TPST2: variants seen among roughly 807,000 people sequenced by gnomAD.
The protein encoded by TPST2 is protein-tyrosine sulfotransferase 2.
In TPST2, 16 loss-of-function variants were observed where a neutral mutation model predicts 27.8. That is an observed-to-expected ratio of 0.58 (90% confidence interval 0.39 to 0.88). TPST2 has a LOEUF of 0.88. Ranked by LOEUF, TPST2 falls within the 40% of genes least tolerant of loss-of-function variation. TPST2 has a pLI of 0.00. For synonymous variants in TPST2, 229 were observed against 231.7 expected, an observed-to-expected ratio of 0.99 and a Z score of 0.10; for missense variants, 464 against 543.1, an observed-to-expected ratio of 0.85 and a Z score of 1.45.
chr22:26,585,504 G>C (rs539671063), intron 1 of TPST2, among the ~76,000 whole-genome samples: 1 of 152,160 alleles, frequency 6.6e-6, no homozygotes, highest in African/African-American at 2.4e-5. Context: ...CAGATCTCTG[G>C]AGGGGCCCCA....
At chr22:26,578,046 A>G (rs1403153879) in intron 1 of TPST2, among the ~76,000 whole-genome samples, 2 of 152,166 alleles carry the variant, frequency 1.3e-5, no homozygotes, top group African/African-American at 4.8e-5. Flanking sequence ...GTAAACATCA[A>G]AATGTATTAT....
At position 26,532,581 on chromosome 22, in the gene TPST2, T is replaced by C. The variant is rs760030310; in HGVS notation, c.1092+114A>G. On this transcript the variant is annotated intron_variant, in intron 5 of 6. Coordinates refer to ENST00000338754, the MANE Select transcript of TPST2 (RefSeq NM_003595.5). ...GGCAGCCAGCTCACATCCCCCTTTT[T>C]ATAATGGGAAAACCATCAACCAGAG... is the stretch of plus-strand genomic sequence containing the variant. 5.8e-5 allele frequency: 70 copies of C among 1,209,712 alleles called. No homozygotes were observed. In the East Asian group the frequency reaches 5.8e-4, roughly 10 times the overall value. 74.9% of individuals were successfully genotyped at this position (1,209,712 alleles called of 1,614,324 possible). A position where few individuals can be genotyped will look rare whatever the true frequency, so the allele number is the denominator to read the frequency against.
intron 1 of TPST2, chr22:26,560,987 A>T: frequency 1.2e-6 from 2 of 1,609,798 alleles, no homozygotes; most frequent in African/African-American, 2.7e-5. Flanking sequence ...TGAAGGAAAA[A>T]TACGAAAAGG....
chr22:26,588,041 T>C (rs921074801), intron 1 of TPST2, among the ~76,000 whole-genome samples: 46 of 152,136 alleles, frequency 3.0e-4, no homozygotes, highest in African/African-American at 1.1e-3. Flanking sequence ...GAACTGAAAA[T>C]GTATGTCCAA....
intron 4 of TPST2, among the ~76,000 whole-genome samples, chr22:26,533,112 G>A (rs771205222): frequency 2.1e-4 from 32 of 152,290 alleles, no homozygotes; most frequent in Non-Finnish European, 2.5e-4. Flanking sequence ...TTTTGAGTGG[G>A]TGGTCAAGAG....
At position 26,526,139 on chromosome 22, in the gene TPST2, T is replaced by C. The variant is rs1158597990; in HGVS notation, c.*136A>G. 3.3e-5 allele frequency: 5 copies of C among 152,258 alleles called. No homozygotes were observed. The East Asian group carries it at 7.7e-4, about 23-fold the overall frequency. 9.4% of individuals were successfully genotyped at this position (152,258 alleles called of 1,614,324 possible). A position where few individuals can be genotyped will look rare whatever the true frequency, so the allele number is the denominator to read the frequency against. ...CAATGATTCAGCTTTTGCAAACATA[T>C]GCAAATACATTCCTCATCAGCAGTC... On this transcript the variant is annotated 3_prime_UTR_variant, in exon 7 of 7. Transcript: ENST00000338754.
At chr22:26,575,110 C>A (rs1927778940) in intron 1 of TPST2, among the ~76,000 whole-genome samples, 1 of 152,080 alleles carries the variant, frequency 6.6e-6, no homozygotes, top group Non-Finnish European at 1.5e-5. Context: ...TCCCGCCCCT[C>A]CACTTCCCCA....
rs2147167534 is a variant in TPST2 at position 26,526,200 on chromosome 22, A to G, written c.*75T>C. 6.6e-6 allele frequency: 1 copy of G among 152,348 alleles called. No homozygotes were observed. Among genetic ancestry groups the G allele is most frequent in the Non-Finnish European group, 1.5e-5 (1 of 68,030 alleles). 9.4% of individuals were successfully genotyped at this position (152,348 alleles called of 1,614,324 possible). On this transcript the variant is annotated 3_prime_UTR_variant, in exon 7 of 7. Transcript: ENST00000338754. ...GATTAATAGCAAGCAATATGCTTGG[A>G]TTAGAGGTCCGATTTCCACTTAAAT...
chr22:26,576,614 C>G (rs1927844588), intron 1 of TPST2, among the ~76,000 whole-genome samples: 1 of 151,980 alleles, frequency 6.6e-6, no homozygotes, highest in Non-Finnish European at 1.5e-5. Flanking sequence ...TCACTGTGAA[C>G]AGAATTGTCT....
intron 1 of TPST2, among the ~76,000 whole-genome samples, chr22:26,551,688 T>C (rs534151822): frequency 2.0e-5 from 3 of 152,126 alleles, no homozygotes; most frequent in Admixed American, 2.0e-4. Context: ...GGGGGTCACA[T>C]CCTGGCTCCC....
intron 1 of TPST2, among the ~76,000 whole-genome samples, chr22:26,582,305 T>C (rs965102870): frequency 2.6e-5 from 4 of 152,146 alleles, no homozygotes; most frequent in Admixed American, 6.5e-5. Flanking sequence ...CAGGTGTCTG[T>C]AATCCCAGCT....
At chr22:26,550,619 C>T (rs992128722) in intron 1 of TPST2, 19 of 985,454 alleles carry the variant, frequency 1.9e-5, no homozygotes, top group Non-Finnish European at 2.3e-5. Context: ...GGGCCCAGTG[C>T]CCACGTGCTC....
intron 1 of TPST2, among the ~76,000 whole-genome samples, chr22:26,553,645 A>C (rs1034414953): frequency 2.6e-5 from 4 of 152,126 alleles, no homozygotes; most frequent in Admixed American, 6.6e-5. Context: ...GGCATGAGCT[A>C]CTGCACCTGG....
At chr22:26,536,111 C>T (rs1185947081) in intron 4 of TPST2, 177 bp downstream of exon 4, 1 of 940,404 alleles carries the variant, frequency 1.1e-6, no homozygotes, top group Non-Finnish European at 1.7e-6. Flanking sequence ...TTCCCTGCAG[C>T]CCAAGCAAAA....
chr22:26,559,431 T>C (rs1242631477), intron 1 of TPST2, among the ~76,000 whole-genome samples: 1 of 152,070 alleles, frequency 6.6e-6, no homozygotes, highest in African/African-American at 2.4e-5. Context: ...GTTTAATATA[T>C]TCACAGGTTT....
At chr22:26,588,037 A>C (rs1488129130) in intron 1 of TPST2, among the ~76,000 whole-genome samples, 4 of 152,194 alleles carry the variant, frequency 2.6e-5, no homozygotes, top group Non-Finnish European at 5.9e-5. Context: ...GAGAGAACTG[A>C]AAATGTATGT....
chr22:26,544,466 G>T, intron 2 of TPST2, 138 bp downstream of exon 2: 2 of 248,098 alleles, frequency 8.1e-6, no homozygotes, highest in Non-Finnish European at 1.3e-5. Flanking sequence ...CCTGCTGGCT[G>T]AACAGAAAGG....
intron 3 of TPST2, among the ~76,000 whole-genome samples, chr22:26,538,122 A>C (rs960714700): frequency 6.6e-6 from 1 of 152,218 alleles, no homozygotes; most frequent in East Asian, 1.9e-4. Flanking sequence ...CCCAGGATCA[A>C]GGGCCTAGTT....
intron 1 of TPST2, among the ~76,000 whole-genome samples, chr22:26,585,500 T>G (rs774664505): frequency 2.6e-5 from 4 of 152,122 alleles, no homozygotes; most frequent in African/African-American, 4.8e-5. Flanking sequence ...ATCCCAGATC[T>G]CTGGAGGGGC....
Sources: allele counts gnomAD v4.1 joint callset (sites outside exome capture counted in the v4.1 genomes callset), GRCh38; gene constraint gnomAD v4.1.1; transcripts MANE v1.5; gene names NCBI Gene and HGNC (gene_info 2026-07-23, HGNC 2026-07-21).